TOPBP1: variants seen among roughly 807,000 people sequenced by gnomAD.
The protein encoded by TOPBP1 is DNA topoisomerase 2-binding protein 1.
TOPBP1 carries 28 observed loss-of-function variants against 167.7 expected under a neutral mutation model. The ratio of observed to expected loss-of-function variants is 0.17; its 90% CI spans 0.12 to 0.23. The LOEUF (loss-of-function observed/expected upper bound fraction) is 0.23. Among genes scored for constraint, TOPBP1 ranks in the 10% least tolerant of loss-of-function variants. The probability of loss-of-function intolerance (pLI) is 1.00; values close to 1 mark genes in which losing one functional copy is unlikely to be tolerated. For synonymous variants in TOPBP1, 598 were observed against 611.4 expected (o/e 0.98, Z 0.32); for missense variants, 1,554 against 1,809.6 (o/e 0.86, Z 2.56).
At chr3:133,611,241 A>G in intron 24 of TOPBP1, 100 bp from the exon 25 acceptor site, 2 of 1,057,028 alleles carry the variant, frequency 1.9e-6, no homozygotes, top group Non-Finnish European at 2.6e-6. Context: ...TAACTGTTAA[A>G]GCTATACATT....
intron 14 of TOPBP1, among the ~76,000 whole-genome samples, chr3:133,637,157 C>T (rs981484844): frequency 1.3e-5 from 2 of 151,936 alleles, no homozygotes; most frequent in Admixed American, 6.6e-5. Context: ...AATATCAACA[C>T]GTGAATGAGT....
At chr3:133,616,401 C>A (rs1182131850) in intron 23 of TOPBP1, among the ~76,000 whole-genome samples, 1 of 152,154 alleles carries the variant, frequency 6.6e-6, no homozygotes, top group Non-Finnish European at 1.5e-5. Flanking sequence ...AGATTACAGG[C>A]ACGAGCCACC....
rs950627696 is a variant in TOPBP1 at position 133,600,240 on chromosome 3, T to C, written c.*1010A>G. The C allele has an allele frequency of 4.0e-5, 6 of 150,418 alleles. No individual in the cohort carries two copies. The highest frequency in any genetic ancestry group is 7.3e-5 in the Non-Finnish European group (5 of 68,812). The allele number at this position is 150,418 out of a possible 1,614,324, so 9.3% of individuals were successfully genotyped here. On this transcript the variant is annotated 3_prime_UTR_variant, in exon 28 of 28. Coordinates refer to ENST00000260810, the MANE Select transcript of TOPBP1 (RefSeq NM_007027.4). ...CCACCGTGCCTGGCCTGCAATTCTT[T>C]TTTTTTTTTTTTTTGAGATGGAGTT...
rs764317613 is a variant in TOPBP1, at chr3:133,643,332, G to A, written c.1889C>T (p.Ser630Leu). 3.1e-6 allele frequency: 5 copies of A among 1,607,708 alleles called. No individual in the cohort carries two copies. The highest frequency in any genetic ancestry group is 2.7e-5 in the African/African-American group (2 of 74,502). The change falls in exon 12 of 28, where the codon TCG becomes TTG. Residue 630 changes from serine to leucine, a missense_variant. Physicochemically the swap from Ser to Leu is moderately radical, Grantham distance 145. Coordinates refer to ENST00000260810, the MANE Select transcript of TOPBP1 (RefSeq NM_007027.4). The part of the protein sequence containing the change: ...IDYQTLFDPK[S>L]NPLFTPVPVM... ...TGGAACTGGTGTGAAGAGAGGATTC[G>A]ACTTTGGATCAAACAAAGTCTGATA...
intron 14 of TOPBP1, 94 bp downstream of exon 14, chr3:133,637,782 T>C: frequency 7.5e-7 from 1 of 1,342,000 alleles, no homozygotes. Flanking sequence ...CTGGAAAATT[T>C]ATTACTACAC....
chr3:133,652,269 G>T (rs1936333328), intron 8 of TOPBP1, among the ~76,000 whole-genome samples, 194 bp downstream of exon 8: 1 of 152,198 alleles, frequency 6.6e-6, no homozygotes, highest in Non-Finnish European at 1.5e-5. Context: ...AGATAACAGA[G>T]GAAGATACCT....
At chr3:133,654,333 T>C (rs1224451581) in intron 6 of TOPBP1, among the ~76,000 whole-genome samples, 1 of 152,226 alleles carries the variant, frequency 6.6e-6, no homozygotes, top group Non-Finnish European at 1.5e-5. Flanking sequence ...AAAATATGTA[T>C]CTTTTATTAC....
chr3:133,657,998 A>C (rs1936539065), intron 3 of TOPBP1, 57 bp from the exon 4 acceptor site: 2 of 1,370,630 alleles, frequency 1.5e-6, no homozygotes, highest in Admixed American at 3.5e-5. Flanking sequence ...CCAGTCTTAC[A>C]AAATTACATT....
intron 27 of TOPBP1, among the ~76,000 whole-genome samples, chr3:133,601,775 T>C (rs564332290): frequency 5.3e-5 from 8 of 152,248 alleles, no homozygotes; most frequent in African/African-American, 1.9e-4. Context: ...CCTTGCATTT[T>C]CCCCCCACAA....
intron 23 of TOPBP1, among the ~76,000 whole-genome samples, chr3:133,616,113 T>C (rs2107777339): frequency 6.7e-6 from 1 of 149,094 alleles, no homozygotes; most frequent in African/African-American, 2.4e-5. Context: ...ACTGAATTCT[T>C]TCTTTTCCCT....
At chr3:133,631,469 T>C (rs974445415) in intron 14 of TOPBP1, among the ~76,000 whole-genome samples, 2 of 152,148 alleles carry the variant, frequency 1.3e-5, no homozygotes, top group Admixed American at 6.5e-5. Flanking sequence ...TTTAATATTG[T>C]TTCTGCTTGC....
intron 10 of TOPBP1, among the ~76,000 whole-genome samples, chr3:133,648,974 T>C (rs1208818730): frequency 6.6e-6 from 1 of 152,172 alleles, no homozygotes; most frequent in African/African-American, 2.4e-5. Flanking sequence ...ATGATGTTTA[T>C]AATGCTTCAC....
intron 5 of TOPBP1, 123 bp downstream of exon 5, chr3:133,656,553 G>A: frequency 4.2e-6 from 4 of 948,784 alleles, no homozygotes; most frequent in South Asian, 2.2e-5. Context: ...GTTTTCGCTG[G>A]AGAAAAGAGT....
intron 7 of TOPBP1, 102 bp downstream of exon 7, chr3:133,653,243 G>T: frequency 8.6e-7 from 1 of 1,168,206 alleles, no homozygotes; most frequent in Non-Finnish European, 1.1e-6. Flanking sequence ...CAGCAAACAA[G>T]AAAAAGAAAT....
At chr3:133,622,185 G>GTTTTTT (rs398052284) in intron 19 of TOPBP1, among the ~76,000 whole-genome samples, 94 of 106,424 alleles carry the variant, frequency 8.8e-4, no homozygotes, top group African/African-American at 1.4e-3. Context: ...CACCATTTAT[G>GTTTTTT]TTTTTTTTTT....
intron 10 of TOPBP1, 132 bp from the exon 11 acceptor site, chr3:133,644,495 A>G: frequency 1.2e-6 from 1 of 850,422 alleles, no homozygotes; most frequent in East Asian, 2.7e-5. Flanking sequence ...TACGTGTATA[A>G]TAAAGGGATA....
intron 5 of TOPBP1, 63 bp from the exon 6 acceptor site, chr3:133,655,549 A>C: frequency 7.5e-6 from 7 of 927,414 alleles, no homozygotes; most frequent in Non-Finnish European, 8.9e-6. Context: ...ATGAAAAACA[A>C]CACAAATATC....
chr3:133,624,646 C>T (rs931284473), intron 16 of TOPBP1, among the ~76,000 whole-genome samples: 3 of 152,158 alleles, frequency 2.0e-5, no homozygotes, highest in Admixed American at 6.5e-5. Flanking sequence ...TAAAGAATAT[C>T]ACTTTTACAG....
At chr3:133,618,967 T>C (rs909621332) in intron 20 of TOPBP1, among the ~76,000 whole-genome samples, 3 of 151,876 alleles carry the variant, frequency 2.0e-5, no homozygotes, top group African/African-American at 7.2e-5. Context: ...AGCAATATGC[T>C]GAATTACAGG....
Sources: allele counts gnomAD v4.1 joint callset (sites outside exome capture counted in the v4.1 genomes callset), GRCh38; gene constraint gnomAD v4.1.1; transcripts MANE v1.5; gene names NCBI Gene and HGNC (gene_info 2026-07-23, HGNC 2026-07-21).